ZNF624: variants seen among roughly 807,000 people sequenced by gnomAD.
ZNF624 encodes zinc finger protein 624.
ZNF624 carries 43 observed loss-of-function variants against 74.7 expected under a neutral mutation model. That is an observed-to-expected ratio of 0.58 (90% confidence interval 0.45 to 0.74). The LOEUF (loss-of-function observed/expected upper bound fraction) is 0.74, where lower values mean the gene tolerates loss of function less well. Among genes scored for constraint, ZNF624 ranks in the 30% least tolerant of loss-of-function variants. The pLI is 0.00. For synonymous variants in ZNF624, 331 were observed against 341.3 expected (o/e 0.97, Z 0.33); for missense variants, 820 against 1,030.0 (o/e 0.80, Z 2.79).
chr17:16,622,583 G>C lies in ZNF624; in HGVS notation c.2303C>G (p.Thr768Arg), dbSNP rs373330354. 4 of 1,613,848 alleles carry C rather than the reference G, an allele frequency of 2.5e-6. No homozygotes were observed. The highest frequency in any genetic ancestry group is 3.4e-6 in the Non-Finnish European group (4 of 1,179,948). ...GKAFRRGSYL[T>R]VHWRTHTGEK... ...TCCAGTGTGTGTTCTCCAATGCACT[G>C]TAAGGTAAGAACCCCTCCTGAAGGC... Residue 768 changes from threonine to arginine, a missense_variant, in exon 6 of 6, where the codon ACA (threonine) becomes AGA (arginine). Physicochemically the swap from Thr to Arg is moderately conservative, Grantham distance 71 (BLOSUM62 -1). Transcript: ENST00000311331.
At chr17:16,641,629 G>A (rs539188394) in intron 3 of ZNF624, among the ~76,000 whole-genome samples, 1 of 152,236 alleles carries the variant, frequency 6.6e-6, no homozygotes, top group South Asian at 2.1e-4. Flanking sequence ...ATTTTGCAAG[G>A]GAAATTTGAA....
chr17:16,634,305 T>C (rs1337533167), intron 4 of ZNF624, among the ~76,000 whole-genome samples: 4 of 152,152 alleles, frequency 2.6e-5, no homozygotes, highest in African/African-American at 9.7e-5. Flanking sequence ...GATAATAGAT[T>C]GTGGAAATAA....
Position 16,623,157 on chromosome 17 carries a change from T to C in ZNF624, c.1729A>G (p.Ile577Val), listed in dbSNP as rs572010322. 2 of 1,613,976 alleles carry C rather than the reference T, an allele frequency of 1.2e-6. No homozygotes were observed. The highest frequency in any genetic ancestry group is 2.2e-5 in the East Asian group (1 of 44,868). ...RSSSLIIHQR[I>V]HTEEKPYLCN... is the part of the protein sequence containing the mutation. ...AGATAAGGTTTCTCTTCAGTATGAA[T>C]ACGCTGATGTATAATTAGAGAAGAA... is the stretch of plus-strand genomic sequence containing the variant. The change falls in exon 6 of 6, where the codon ATT becomes GTT. Residue 577 changes from isoleucine to valine, a missense_variant. Physicochemically the swap from Ile to Val is conservative, Grantham distance 29. Coordinates refer to ENST00000311331, the MANE Select transcript of ZNF624 (RefSeq NM_020787.4). This position sits in a 1 kb window ranked among gnomAD's most constrained non-coding sequence, Gnocchi z 5.3.
In ZNF624 at chr17:16,637,633, A is replaced by T. The variant is rs557934802; in HGVS notation, c.154-2877T>A. ...AAATGGGGAAAGGATTCCATATTTA[A>T]AAAATGGTGCTCGGAAAACTGGCTG... On this transcript the variant is annotated intron_variant, in intron 3 of 5. Transcript: ENST00000311331. Among the ~76,000 whole-genome samples, 212 of 152,368 alleles carry T rather than the reference A, an allele frequency of 1.4e-3. 1 individual carries two copies. The highest frequency in any genetic ancestry group is 5.0e-3 in the African/African-American group (208 of 41,592).
At chr17:16,627,493 T>C (rs1909100675) in intron 5 of ZNF624, among the ~76,000 whole-genome samples, 1 of 152,204 alleles carries the variant, frequency 6.6e-6, no homozygotes, top group Admixed American at 6.5e-5. Context: ...ATCTGAAAGC[T>C]AGAAAGACTT....
At chr17:16,651,554 A>G (rs1909724758) in intron 1 of ZNF624, among the ~76,000 whole-genome samples, 1 of 152,122 alleles carries the variant, frequency 6.6e-6, no homozygotes, top group South Asian at 2.1e-4. Context: ...TGAGGGAGGA[A>G]AGCGGTACAG....
In ZNF624 at chr17:16,623,126, T is replaced by C; in HGVS notation, c.1760A>G (p.Asn587Ser). 1.2e-6 allele frequency: 2 copies of C among 1,614,042 alleles called. No individual in the cohort carries two copies. Among genetic ancestry groups the C allele is most frequent in the East Asian group, 2.2e-5 (1 of 44,868 alleles). Residue 587 changes from asparagine to serine, a missense_variant, in exon 6 of 6, where the codon AAT (asparagine) becomes AGT (serine). Asn to Ser is a conservative substitution (Grantham distance 46, BLOSUM62 1). Coordinates refer to ENST00000311331, the MANE Select transcript of ZNF624 (RefSeq NM_020787.4). This position sits in a 1 kb window ranked among gnomAD's most constrained non-coding sequence, Gnocchi z 5.3. ...IHTEEKPYLC[N>S]ECGESFRIKS... ...TATTCTGAAAGACTCCCCACATTCA[T>C]TGCACAGATAAGGTTTCTCTTCAGT... is the stretch of plus-strand genomic sequence containing the variant.
intron 2 of ZNF624, 79 bp downstream of exon 2, chr17:16,649,579 A>C: frequency 7.7e-7 from 1 of 1,291,692 alleles, no homozygotes; most frequent in South Asian, 1.2e-5. Context: ...GGGGAAGTAG[A>C]GAAGTCGCAA....
chr17:16,653,722 G>T (rs1437158677), intron 1 of ZNF624, 42 bp downstream of exon 1: 1 of 152,940 alleles, frequency 6.5e-6, no homozygotes, highest in Admixed American at 6.5e-5. Flanking sequence ...CCAAGGGAGG[G>T]GCGGCGGGCA....
At chr17:16,641,277 T>C (rs62073665) in intron 3 of ZNF624, among the ~76,000 whole-genome samples, 7,779 of 151,620 alleles carry the variant, frequency 0.051, 261 homozygotes, top group Middle Eastern at 0.099. Context: ...TTTTCTTTCT[T>C]TCTCTCTCTC....
intron 3 of ZNF624, 113 bp from the exon 4 acceptor site, chr17:16,634,869 T>C: frequency 1.1e-6 from 1 of 945,968 alleles, no homozygotes; most frequent in African/African-American, 1.7e-5. Flanking sequence ...CAAATGATCA[T>C]GTAGGTCAAC....
Position 16,621,187 on chromosome 17 carries a change from G to A in ZNF624, c.*1101C>T, listed in dbSNP as rs1293574832. On this transcript the variant is annotated 3_prime_UTR_variant, in exon 6 of 6. Transcript: ENST00000311331. ...AAGCAATTATTTATCAATACATTGTGGAAATACATTGAAATCAGCTAGCAT... is the reference window on the plus strand; with the variant it reads ...AAGCAATTATTTATCAATACATTGTAGAAATACATTGAAATCAGCTAGCAT... 1.3e-5 allele frequency: 2 copies of A among 152,142 alleles called. No homozygotes were observed. The highest frequency in any genetic ancestry group is 2.9e-5 in the Non-Finnish European group (2 of 68,028). 9.4% of individuals were successfully genotyped at this position (152,142 alleles called of 1,614,324 possible). A position where few individuals can be genotyped will look rare whatever the true frequency, so the allele number is the denominator to read the frequency against.
intron 5 of ZNF624, among the ~76,000 whole-genome samples, chr17:16,626,147 T>G (rs568234677): frequency 6.6e-6 from 1 of 152,128 alleles, no homozygotes; most frequent in South Asian, 2.1e-4. Flanking sequence ...GAAAGCATTT[T>G]GCTATGTTGG....
chr17:16,649,578 G>T, intron 2 of ZNF624, 80 bp downstream of exon 2: 1 of 1,286,156 alleles, frequency 7.8e-7, no homozygotes, highest in South Asian at 1.2e-5. Context: ...GGGGGAAGTA[G>T]AGAAGTCGCA....
At chr17:16,636,546 A>C (rs138383176) in intron 3 of ZNF624, among the ~76,000 whole-genome samples, 196 of 152,268 alleles carry the variant, frequency 1.3e-3, no homozygotes, top group African/African-American at 4.6e-3. Flanking sequence ...TAAAAATCAA[A>C]AATCTCAGGG....
intron 5 of ZNF624, 110 bp downstream of exon 5, chr17:16,633,752 A>G (rs1335686100): frequency 1.3e-6 from 1 of 780,094 alleles, no homozygotes; most frequent in Non-Finnish European, 2.0e-6. Context: ...TTCCTCTGAG[A>G]CAGCGTTGAA....
intron 1 of ZNF624, among the ~76,000 whole-genome samples, chr17:16,653,285 T>C (rs907942244): frequency 6.6e-6 from 1 of 152,246 alleles, no homozygotes; most frequent in Admixed American, 6.5e-5. Flanking sequence ...TGGAACCTAG[T>C]TCCATCCCTG....
rs1046452287 is a variant in ZNF624 at position 16,622,924 on chromosome 17, G to T, written c.1962C>A (p.Tyr654Ter). Residue 654 changes from tyrosine to a stop codon, truncating the protein, a stop_gained, in exon 6 of 6, where the codon TAC becomes TAA. Coordinates refer to ENST00000311331, the MANE Select transcript of ZNF624 (RefSeq NM_020787.4). LOFTEE classifies it high-confidence loss of function. ...DCGKSFRTKSYLIVHQRTHTG... is the reference protein window; with the variant it reads ...DCGKSFRTKS Reference sequence around the variant, plus strand: ...TATGGGTCCTCTGATGTACAATAAGGTATGATTTAGTCCTAAAGGACTTTC... The same window carrying T: ...TATGGGTCCTCTGATGTACAATAAGTTATGATTTAGTCCTAAAGGACTTTC... The T allele has an allele frequency of 6.2e-7, 1 of 1,613,970 alleles. No individual in the cohort carries two copies. The highest frequency in any genetic ancestry group is 8.5e-7 in the Non-Finnish European group (1 of 1,179,938).
chr17:16,636,169 T>C lies in ZNF624; in HGVS notation c.154-1413A>G, dbSNP rs181053232. Among the ~76,000 whole-genome samples, 320 of 152,344 alleles carry C rather than the reference T, an allele frequency of 2.1e-3. 2 individuals are homozygous for C. The highest frequency in any genetic ancestry group is 7.5e-3 in the African/African-American group (310 of 41,582). On this transcript the variant is annotated intron_variant, in intron 3 of 5. Coordinates refer to ENST00000311331, the MANE Select transcript of ZNF624 (RefSeq NM_020787.4). ...AACTGCAATGGATTTCAAAAGCATCTAATACAGTTACATTCATGATACATT... is the reference window on the plus strand; with the variant it reads ...AACTGCAATGGATTTCAAAAGCATCCAATACAGTTACATTCATGATACATT...
Sources: allele counts gnomAD v4.1 joint callset (sites outside exome capture counted in the v4.1 genomes callset), GRCh38; gene constraint gnomAD v4.1.1; non-coding constraint Gnocchi (gnomAD v3.1); transcripts MANE v1.5; gene names NCBI Gene and HGNC (gene_info 2026-07-23, HGNC 2026-07-21).